TNF: variants seen among roughly 807,000 people sequenced by gnomAD.
The protein encoded by TNF is tumor necrosis factor.
Under a neutral mutation model 21.8 loss-of-function variants are expected in TNF, and 7 were observed. The observed-to-expected ratio is 0.32, with a 90% CI of 0.18 to 0.60. The LOEUF is 0.60. Ranked by LOEUF, TNF falls within the 20% of genes least tolerant of loss-of-function variation. The pLI, the probability that TNF is intolerant of heterozygous loss-of-function variation, is 0.84. For synonymous variants in TNF, 123 were observed against 130.2 expected (o/e 0.94, Z 0.38); for missense variants, 216 against 296.6 (o/e 0.73, Z 2.00).
intron 3 of TNF, 133 bp from the exon 4 acceptor site, chr6:31,576,983 C>T (rs1771211879): frequency 7.3e-7 from 1 of 1,370,402 alleles, no homozygotes; most frequent in Non-Finnish European, 1.0e-6. Context: ...ACGTCATGGC[C>T]AGGTGGGATG....
chr6:31,575,704 A>G lies in TNF; in HGVS notation c.-38A>G. 1 of 1,506,894 alleles carries G rather than the reference A, an allele frequency of 6.6e-7. No individual in the cohort carries two copies. Among genetic ancestry groups the G allele is most frequent in the Admixed American group, 2.2e-5 (1 of 45,812 alleles). 93.3% of individuals were successfully genotyped at this position (1,506,894 alleles called of 1,614,324 possible). A position where few individuals can be genotyped will look rare whatever the true frequency, so the allele number is the denominator to read the frequency against. ...CAGGTTCTCTTCCTCTCACATACTGACCCACGGCTCCACCCTCTCTCCCCT... is the reference window on the plus strand; with the variant it reads ...CAGGTTCTCTTCCTCTCACATACTGGCCCACGGCTCCACCCTCTCTCCCCT... On this transcript the variant is annotated 5_prime_UTR_variant, in exon 1 of 4. Coordinates refer to ENST00000449264, the MANE Select transcript of TNF (RefSeq NM_000594.4). This position sits in a 1 kb window ranked among gnomAD's most constrained non-coding sequence, Gnocchi z 6.2.
chr6:31,577,788 C>T lies in TNF; in HGVS notation c.*251C>T, dbSNP rs1468119537. 10 of 594,122 alleles carry T rather than the reference C, an allele frequency of 1.7e-5. No homozygotes were observed. The East Asian group carries it at 2.8e-4, about 17-fold the overall frequency. The allele number at this position is 594,122 out of a possible 1,614,324, so 36.8% of individuals were successfully genotyped here. ...TGGGGCCTCCAGAACTCACTGGGGC[C>T]TACAGCTTTGATCCCTGACATCTGG... On this transcript the variant is annotated 3_prime_UTR_variant, in exon 4 of 4. Transcript: ENST00000449264. The surrounding 1 kb of genome is among the most constrained non-coding windows in gnomAD (Gnocchi z 7.7).
rs4645838 is a variant in TNF, at chr6:31,575,627, A to AC, written c.-108dup. 8,640 of 941,506 alleles carry AC rather than the reference A, an allele frequency of 9.2e-3. 91 individuals are homozygous for AC. The highest frequency in any genetic ancestry group is 0.08 in the Middle Eastern group (302 of 3,796). The allele number at this position is 941,506 out of a possible 1,614,324, so 58.3% of individuals were successfully genotyped here. On this transcript the variant is annotated 5_prime_UTR_variant, in exon 1 of 4. Transcript: ENST00000449264. This position sits in a 1 kb window ranked among gnomAD's most constrained non-coding sequence, Gnocchi z 6.2. ...CTAAGAGGGAGAGAAGCAACTACAG[A>AC]CCCCCCCTGAAAACAACCCTCAGAC...
chr6:31,575,730 G>A lies in TNF; in HGVS notation c.-12G>A. The A allele has an allele frequency of 6.4e-7, 1 of 1,562,344 alleles. No homozygotes were observed. The highest frequency in any genetic ancestry group is 8.7e-7 in the Non-Finnish European group (1 of 1,154,916). On this transcript the variant is annotated 5_prime_UTR_variant, in exon 1 of 4. Transcript: ENST00000449264. The surrounding 1 kb of genome is among the most constrained non-coding windows in gnomAD (Gnocchi z 6.2). ...CCCACGGCTCCACCCTCTCTCCCCT[G>A]GAAAGGACACCATGAGCACTGAAAG... is the stretch of plus-strand genomic sequence containing the variant.
Position 31,577,228 on chromosome 6 carries a change from G to C in TNF, c.393G>C (p.Leu131=), listed in dbSNP as rs1258416601. The change falls in exon 4 of 4, where the codon CTG becomes CTC. Residue 131 remains leucine (L), a synonymous_variant. Coordinates refer to ENST00000449264, the MANE Select transcript of TNF (RefSeq NM_000594.4). The surrounding 1 kb of genome is among the most constrained non-coding windows in gnomAD (Gnocchi z 7.7). ...AGCTGGTGGTGCCATCAGAGGGCCT[G>C]TACCTCATCTACTCCCAGGTCCTCT... ...DNQLVVPSEG[L]YLIYSQVLFK... is the part of the protein sequence containing the mutation. 1 of 1,613,110 alleles carries C rather than the reference G, an allele frequency of 6.2e-7. No homozygotes were observed. The highest frequency in any genetic ancestry group is 8.5e-7 in the Non-Finnish European group (1 of 1,180,014).
chr6:31,577,308 G>A lies in TNF; in HGVS notation c.473G>A (p.Arg158His), dbSNP rs369510319. The A allele has an allele frequency of 6.8e-6, 11 of 1,613,046 alleles. No individual in the cohort carries two copies. Among genetic ancestry groups the A allele is most frequent in the Non-Finnish European group, 9.3e-6 (11 of 1,180,028 alleles). ...THVLLTHTIS[R>H]IAVSYQTKVN... The stretch of plus-strand genomic sequence containing the variant: ...GTGCTCCTCACCCACACCATCAGCC[G>A]CATCGCCGTCTCCTACCAGACCAAG... Residue 158 changes from arginine to histidine, a missense_variant, in exon 4 of 4, where the codon CGC becomes CAC. Around this residue, in one of 2 missense-constraint regions of TNF, gnomAD observed 98 missense variants for 169.6 expected, o/e 0.58. Coordinates refer to ENST00000449264, the MANE Select transcript of TNF (RefSeq NM_000594.4). This position sits in a 1 kb window ranked among gnomAD's most constrained non-coding sequence, Gnocchi z 7.7.
rs1270207599 is a variant in TNF, at chr6:31,577,758, C to T, written c.*221C>T. ...GAAGTGCTGGCAACCACTAAGAATT[C>T]AAACTGGGGCCTCCAGAACTCACTG... On this transcript the variant is annotated 3_prime_UTR_variant, in exon 4 of 4. Coordinates refer to ENST00000449264, the MANE Select transcript of TNF (RefSeq NM_000594.4). The surrounding 1 kb of genome is among the most constrained non-coding windows in gnomAD (Gnocchi z 7.7). The T allele has an allele frequency of 1.9e-5, 12 of 633,712 alleles. No homozygotes were observed. Among genetic ancestry groups the T allele is most frequent in the Non-Finnish European group, 3.1e-5 (11 of 357,042 alleles). The allele number at this position is 633,712 out of a possible 1,614,324, so 39.3% of individuals were successfully genotyped here.
At chr6:31,576,365 A>G (rs1206914464) in intron 1 of TNF, among the ~76,000 whole-genome samples, 169 bp from the exon 2 acceptor site, 1 of 152,152 alleles carries the variant, frequency 6.6e-6, no homozygotes, top group Admixed American at 6.5e-5. Flanking sequence ...TGGCACACAG[A>G]AGACACTCAG....
chr6:31,577,610 C>T lies in TNF; in HGVS notation c.*73C>T, dbSNP rs1367721045. ...CTTTATTACCCCCTCCTTCAGACAC[C>T]CTCAACCTCTTCTGGCTCAAAAAGA... is the stretch of plus-strand genomic sequence containing the variant. On this transcript the variant is annotated 3_prime_UTR_variant, in exon 4 of 4. Coordinates refer to ENST00000449264, the MANE Select transcript of TNF (RefSeq NM_000594.4). This position sits in a 1 kb window ranked among gnomAD's most constrained non-coding sequence, Gnocchi z 7.7. The T allele has an allele frequency of 1.3e-6, 2 of 1,571,782 alleles. No homozygotes were observed. The highest frequency in any genetic ancestry group is 1.7e-6 in the Non-Finnish European group (2 of 1,147,758).
Position 31,576,754 on chromosome 6 carries a change from C to G in TNF, c.233-13C>G. 1 of 1,613,048 alleles carries G rather than the reference C, an allele frequency of 6.2e-7. No individual in the cohort carries two copies. The highest frequency in any genetic ancestry group is 8.5e-7 in the Non-Finnish European group (1 of 1,179,978). On this transcript the variant is annotated splice_polypyrimidine_tract_variant and intron_variant, in intron 2 of 3. Coordinates refer to ENST00000449264, the MANE Select transcript of TNF (RefSeq NM_000594.4). Reference sequence around the variant, plus strand: ...TAAGGGTCTCAGCTTTTTCTTTTCTCTCTCCTCTTCAGGATCATCTTCTCG... The same window carrying G: ...TAAGGGTCTCAGCTTTTTCTTTTCTGTCTCCTCTTCAGGATCATCTTCTCG...
Position 31,576,709 on chromosome 6 carries a change from G to T in TNF, c.233-58G>T, listed in dbSNP as rs1357886516. Reference sequence around the variant, plus strand: ...GAGGATGGATGGAGGTGAAAGTAGGGGGGTATTTTCTAGGAAGTTTAAGGG... The same window carrying T: ...GAGGATGGATGGAGGTGAAAGTAGGTGGGTATTTTCTAGGAAGTTTAAGGG... On this transcript the variant is annotated intron_variant, in intron 2 of 3. Transcript: ENST00000449264. The T allele has an allele frequency of 1.9e-6, 3 of 1,599,620 alleles. No individual in the cohort carries two copies. The African/African-American group carries it at 4.1e-5, about 22-fold the overall frequency.
Position 31,577,219 on chromosome 6 carries a change from A to G in TNF, c.384A>G (p.Ser128=). 6.2e-7 allele frequency: 1 copy of G among 1,613,094 alleles called. No homozygotes were observed. Among genetic ancestry groups the G allele is most frequent in the Non-Finnish European group, 8.5e-7 (1 of 1,180,006 alleles). Residue 128 remains serine, a synonymous_variant, in exon 4 of 4, where the codon TCA becomes TCG. Coordinates refer to ENST00000449264, the MANE Select transcript of TNF (RefSeq NM_000594.4). This position sits in a 1 kb window ranked among gnomAD's most constrained non-coding sequence, Gnocchi z 7.7. Reference sequence around the variant, plus strand: ...GAGATAACCAGCTGGTGGTGCCATCAGAGGGCCTGTACCTCATCTACTCCC... The same window carrying G: ...GAGATAACCAGCTGGTGGTGCCATCGGAGGGCCTGTACCTCATCTACTCCC... ...ELRDNQLVVP[S]EGLYLIYSQV...
chr6:31,576,050 G>A (rs1800610), intron 1 of TNF, 123 bp downstream of exon 1: 87,347 of 1,037,560 alleles, frequency 0.084, 5,008 homozygotes, highest in East Asian at 0.19. Flanking sequence ...AGAAAAAAAC[G>A]TGGAGAAAGA....
chr6:31,575,602 C>A lies in TNF; in HGVS notation c.-140C>A. On this transcript the variant is annotated 5_prime_UTR_variant, in exon 1 of 4. Coordinates refer to ENST00000449264, the MANE Select transcript of TNF (RefSeq NM_000594.4). This position sits in a 1 kb window ranked among gnomAD's most constrained non-coding sequence, Gnocchi z 6.2. ...CTCAGCAAGGACAGCAGAGGACCAG[C>A]TAAGAGGGAGAGAAGCAACTACAGA... is the stretch of plus-strand genomic sequence containing the variant. 1.3e-6 allele frequency: 1 copy of A among 766,016 alleles called. No individual in the cohort carries two copies. The highest frequency in any genetic ancestry group is 2.1e-6 in the Non-Finnish European group (1 of 483,040). 47.5% of individuals were successfully genotyped at this position (766,016 alleles called of 1,614,324 possible). A position where few individuals can be genotyped will look rare whatever the true frequency, so the allele number is the denominator to read the frequency against.
In TNF at chr6:31,577,463, G is replaced by A. The variant is rs778803751; in HGVS notation, c.628G>A (p.Ala210Thr). Residue 210 changes from alanine (A) to threonine (T), a missense_variant, in exon 4 of 4, where the codon GCT (alanine) becomes ACT (threonine). Ala to Thr is a moderately conservative substitution (Grantham distance 58, BLOSUM62 0). Transcript: ENST00000449264. The surrounding 1 kb of genome is among the most constrained non-coding windows in gnomAD (Gnocchi z 7.7). Reference sequence around the variant, plus strand: ...GCTGGAGAAGGGTGACCGACTCAGCGCTGAGATCAATCGGCCCGACTATCT... The same window carrying A: ...GCTGGAGAAGGGTGACCGACTCAGCACTGAGATCAATCGGCCCGACTATCT... Reference protein sequence around the residue: ...FQLEKGDRLSAEINRPDYLDF... With the variant: ...FQLEKGDRLSTEINRPDYLDF... The A allele has an allele frequency of 2.5e-6, 4 of 1,613,018 alleles. No homozygotes were observed. In the African/African-American group the frequency reaches 4.0e-5, roughly 16 times the overall value.
intron 3 of TNF, 59 bp downstream of exon 3, chr6:31,576,873 C>T (rs1441607439): frequency 1.1e-5 from 17 of 1,587,972 alleles, no homozygotes; most frequent in East Asian, 4.5e-5. Context: ...GGATTGAAGC[C>T]CGGCTGATGG....
At position 31,577,225 on chromosome 6, in the gene TNF, C is replaced by T. The variant is rs150508976; in HGVS notation, c.390C>T (p.Gly130=). ...RDNQLVVPSE[G]LYLIYSQVLF... is the part of the protein sequence containing the mutation. ...ACCAGCTGGTGGTGCCATCAGAGGG[C>T]CTGTACCTCATCTACTCCCAGGTCC... Residue 130 remains glycine, a synonymous_variant, in exon 4 of 4, where the codon GGC becomes GGT. Transcript: ENST00000449264. The surrounding 1 kb of genome is among the most constrained non-coding windows in gnomAD (Gnocchi z 7.7). 4 of 1,612,988 alleles carry T rather than the reference C, an allele frequency of 2.5e-6. No homozygotes were observed. Among genetic ancestry groups the T allele is most frequent in the African/African-American group, 1.3e-5 (1 of 74,932 alleles).
chr6:31,576,041 GA>G (rs1165313476), intron 1 of TNF, 114 bp downstream of exon 1: 4 of 1,142,172 alleles, frequency 3.5e-6, no homozygotes, highest in African/African-American at 1.6e-5. Flanking sequence ...GGGATGGAGA[GA>G]AAAAAACGTG....
Position 31,575,870 on chromosome 6 carries a change from C to T in TNF, c.129C>T (p.Gly43=), listed in dbSNP as rs369163834. 279 of 1,609,716 alleles carry T rather than the reference C, an allele frequency of 1.7e-4. No individual in the cohort carries two copies. The highest frequency in any genetic ancestry group is 2.2e-4 in the Non-Finnish European group (262 of 1,177,902). Residue 43 remains glycine (G), a synonymous_variant, in exon 1 of 4, where the codon GGC becomes GGT. Coordinates refer to ENST00000449264, the MANE Select transcript of TNF (RefSeq NM_000594.4). This position sits in a 1 kb window ranked among gnomAD's most constrained non-coding sequence, Gnocchi z 6.2. ...LSLFSFLIVA[G]ATTLFCLLHF... ...TCTTCTCCTTCCTGATCGTGGCAGG[C>T]GCCACCACGCTCTTCTGCCTGCTGC...
Sources: allele counts gnomAD v4.1 joint callset (sites outside exome capture counted in the v4.1 genomes callset), GRCh38; gene constraint gnomAD v4.1.1; regional missense constraint gnomAD v4.1.1; non-coding constraint Gnocchi (gnomAD v3.1); transcripts MANE v1.5; gene names NCBI Gene and HGNC (gene_info 2026-07-23, HGNC 2026-07-21).